The following SYCE2 variants were observed in gnomAD, a reference collection of about 807,000 sequenced individuals.
SYCE2 encodes synaptonemal complex central element protein 2.
In SYCE2, 3 loss-of-function variants were observed where a neutral mutation model predicts 27.9. The observed-to-expected ratio is 0.11, with a 90% confidence interval of 0.05 to 0.28. The LOEUF (loss-of-function observed/expected upper bound fraction) is 0.28. SYCE2 is among the 10% of genes least tolerant of loss of function. SYCE2 has a pLI of 1.00. For missense variants in SYCE2, 207 were observed against 263.5 expected (o/e 0.79, Z 1.48); for synonymous variants, 85 against 100.7 (o/e 0.84, Z 0.93).
chr19:12,909,048 C>T (rs1435134820), intron 2 of SYCE2, among the ~76,000 whole-genome samples: 3 of 152,204 alleles, frequency 2.0e-5, no homozygotes, highest in Admixed American at 2.0e-4. Context: ...CCTGTCTCCT[C>T]CAGAAAGTGT....
intron 5 of SYCE2, 49 bp downstream of exon 5, chr19:12,899,955 G>A (rs1045583479): frequency 6.4e-7 from 1 of 1,563,862 alleles, no homozygotes; most frequent in Admixed American, 1.7e-5. Flanking sequence ...GGAAAATAAA[G>A]ACCTGCACAT....
chr19:12,900,019 A>G lies in SYCE2; in HGVS notation c.597T>C (p.Ala199=). The change falls in exon 5 of 6, where the codon GCT becomes GCC. Residue 199 remains alanine (A), a synonymous_variant. Coordinates refer to ENST00000293695, the MANE Select transcript of SYCE2 (RefSeq NM_001105578.2). ...QPPDVFVSSV[A]ETTSQATASE... is the part of the protein sequence containing the mutation. ...TGGTAACCACCTGAGAAGTAGTTTC[A>G]GCCACAGAAGAAACGAACACGTCTG... 6.2e-7 allele frequency: 1 copy of G among 1,613,468 alleles called. No homozygotes were observed. The highest frequency in any genetic ancestry group is 1.1e-5 in the South Asian group (1 of 91,040).
chr19:12,915,654 G>C (rs940332400), intron 2 of SYCE2, among the ~76,000 whole-genome samples: 1 of 149,242 alleles, frequency 6.7e-6, no homozygotes, highest in Non-Finnish European at 1.5e-5. Context: ...ATATCTCAAA[G>C]CTGTTACTGA....
intron 2 of SYCE2, among the ~76,000 whole-genome samples, chr19:12,907,302 G>C (rs1330171778): frequency 6.6e-6 from 1 of 152,206 alleles, no homozygotes; most frequent in Non-Finnish European, 1.5e-5. Context: ...GTACCCAGAA[G>C]GCCTGACTTC....
At chr19:12,906,365 T>C (rs1970934038) in intron 2 of SYCE2, among the ~76,000 whole-genome samples, 1 of 152,234 alleles carries the variant, frequency 6.6e-6, no homozygotes, top group Non-Finnish European at 1.5e-5. Context: ...CATGTAACTG[T>C]AATTATGTAA....
Position 12,899,988 on chromosome 19 carries a change from G to T in SYCE2, c.612+16C>A, listed in dbSNP as rs1157955534. 6.2e-7 allele frequency: 1 copy of T among 1,612,988 alleles called. No individual in the cohort carries two copies. The highest frequency in any genetic ancestry group is 1.1e-5 in the South Asian group (1 of 91,038). On this transcript the variant is annotated intron_variant, in intron 5 of 5. Transcript: ENST00000293695. ...CATCTGACCCCAAGGTGTCAGGCCG[G>T]TTTACTGGTAACCACCTGAGAAGTA...
rs936845971 is a variant in SYCE2 at position 12,919,277 on chromosome 19, A to G, written c.-20T>C. The G allele has an allele frequency of 3.4e-5, 54 of 1,609,670 alleles. 1 individual carries two copies. The highest frequency in any genetic ancestry group is 3.3e-4 in the Middle Eastern group (2 of 6,084). ...CTCCATTCCGTATTTTCCCGCCTTCAAGCTCGCACCCTCTGCGCATGCGCC... is the reference window on the plus strand; with the variant it reads ...CTCCATTCCGTATTTTCCCGCCTTCGAGCTCGCACCCTCTGCGCATGCGCC... On this transcript the variant is annotated 5_prime_UTR_variant, in exon 1 of 6. Transcript: ENST00000293695.
In SYCE2 at chr19:12,918,264, C is replaced by A. The variant is rs199712923; in HGVS notation, c.89G>T (p.Trp30Leu). 8.7e-6 allele frequency: 14 copies of A among 1,614,200 alleles called. No homozygotes were observed. The highest frequency in any genetic ancestry group is 2.7e-5 in the African/African-American group (2 of 75,052). The change falls in exon 2 of 6, where the codon TGG becomes TTG. Residue 30 changes from tryptophan to leucine, a missense_variant. Physicochemically the swap from Trp to Leu is moderately conservative, Grantham distance 61. Coordinates refer to ENST00000293695, the MANE Select transcript of SYCE2 (RefSeq NM_001105578.2). ...PLGESKEHPR[W>L]EENCEEEAGG... ...AGCTTCCTCCTCGCAGTTCTCTTCC[C>A]ACCGCGGATGCTCCTTGCTCTCCCC...
At chr19:12,899,572 G>C in intron 5 of SYCE2, 187 bp from the exon 6 acceptor site, 1 of 1,614,014 alleles carries the variant, frequency 6.2e-7, no homozygotes, top group Non-Finnish European at 8.5e-7. Flanking sequence ...AAACTCTCAA[G>C]CCCCTTTCTG....
chr19:12,903,155 G>T (rs1245383617), intron 3 of SYCE2, among the ~76,000 whole-genome samples: 3 of 151,348 alleles, frequency 2.0e-5, no homozygotes, highest in Non-Finnish European at 4.4e-5. Context: ...GCAGTGGCGG[G>T]ATCTCTGCTC....
chr19:12,914,271 TGGG>T (rs1011260505), intron 2 of SYCE2: 1 of 152,144 alleles, frequency 6.6e-6, no homozygotes, highest in Admixed American at 6.5e-5. Flanking sequence ...GGCTGTGTGA[TGGG>T]GGGGAAGCCC....
In SYCE2 at chr19:12,906,601, G is replaced by T. The variant is rs139218305; in HGVS notation, c.132-1935C>A. Among the ~76,000 whole-genome samples, 7 of 152,142 alleles carry T rather than the reference G, an allele frequency of 4.6e-5. No individual in the cohort carries two copies. The South Asian group carries it at 1.2e-3, about 27-fold the overall frequency. On this transcript the variant is annotated intron_variant, in intron 2 of 5. Transcript: ENST00000293695. ...ATATAGATTGCTCTGCCAAGGCCTT[G>T]TTCTCTGCTTTAAAAACAGAACTGG...
At chr19:12,916,664 C>A (rs182358392) in intron 2 of SYCE2, among the ~76,000 whole-genome samples, 1 of 152,164 alleles carries the variant, frequency 6.6e-6, no homozygotes, top group East Asian at 1.9e-4. Context: ...GAAGCAATCA[C>A]GTCTCACTGC....
At chr19:12,915,425 C>T (rs1971119548) in intron 2 of SYCE2, among the ~76,000 whole-genome samples, 1 of 135,412 alleles carries the variant, frequency 7.4e-6, no homozygotes, top group Non-Finnish European at 1.6e-5. Flanking sequence ...ACGGTGAAAC[C>T]CCGTCTCTAC....
Position 12,899,214 on chromosome 19 carries a change from G to T in SYCE2, c.*127C>A, listed in dbSNP as rs553191132. ...GGGAGTTCAGCACAAGGAGCTTTGG[G>T]TTTTTGTTTTTTTCTGCCAAGATGC... On this transcript the variant is annotated 3_prime_UTR_variant, in exon 6 of 6. Coordinates refer to ENST00000293695, the MANE Select transcript of SYCE2 (RefSeq NM_001105578.2). 9.2e-6 allele frequency: 8 copies of T among 865,990 alleles called. No individual in the cohort carries two copies. The African/African-American group carries it at 1.3e-4, about 15-fold the overall frequency. The allele number at this position is 865,990 out of a possible 1,614,324, so 53.6% of individuals were successfully genotyped here.
At chr19:12,900,385 G>T in intron 4 of SYCE2, 75 bp downstream of exon 4, 1 of 1,510,200 alleles carries the variant, frequency 6.6e-7, no homozygotes. Flanking sequence ...CCTGGTTTCT[G>T]TTCACATTTA....
In SYCE2 at chr19:12,917,659, C is replaced by CTTTT. The variant is rs71168635; in HGVS notation, c.131+559_131+562dup. Among the ~76,000 whole-genome samples the CTTTT allele has an allele frequency of 3.8e-4, 30 of 79,406 alleles. 2 individuals are homozygous for CTTTT. Among genetic ancestry groups the CTTTT allele is most frequent in the South Asian group, 5.2e-4 (1 of 1,936 alleles). The allele number at this position is 79,406 out of a possible 152,430, so 52.1% of individuals were successfully genotyped here. ...TACAGGCATAAGCCACCATTCCTGG[C>CTTTT]TTTTTTTTTTTTTTTTTGAGACAGC... On this transcript the variant is annotated intron_variant, in intron 2 of 5. Transcript: ENST00000293695.
intron 2 of SYCE2, among the ~76,000 whole-genome samples, chr19:12,907,371 AC>A: frequency 6.6e-6 from 1 of 152,292 alleles, no homozygotes; most frequent in Middle Eastern, 3.4e-3. Context: ...CCTGGATCTT[AC>A]ATTTCCTCGT....
intron 2 of SYCE2, among the ~76,000 whole-genome samples, chr19:12,906,762 G>A (rs946981209): frequency 6.6e-6 from 1 of 152,022 alleles, no homozygotes; most frequent in Non-Finnish European, 1.5e-5. Context: ...CAAAAAATTA[G>A]CCAGGCGCAG....
Sources: gnomAD v4.1 joint callset for allele counts (sites outside exome capture counted in the v4.1 genomes callset) on GRCh38, gnomAD v4.1.1 for gene constraint, MANE v1.5 for transcripts, NCBI Gene and HGNC (gene_info 2026-07-23, HGNC 2026-07-21) for gene names.